L3MBTL3: variants seen among roughly 807,000 people sequenced by gnomAD.
The protein encoded by L3MBTL3 is lethal(3)malignant brain tumor-like protein 3.
L3MBTL3 carries 27 observed loss-of-function variants against 102.3 expected under a neutral mutation model. The ratio of observed to expected loss-of-function variants is 0.26; its 90% CI spans 0.19 to 0.36. The LOEUF (loss-of-function observed/expected upper bound fraction) is 0.36. Among genes scored for constraint, L3MBTL3 ranks in the 10% least tolerant of loss-of-function variants. L3MBTL3 has a pLI of 1.00. For synonymous variants in L3MBTL3, 340 were observed against 320.9 expected, an observed-to-expected ratio of 1.06 and a Z score of -0.64; for missense variants, 798 against 955.3, an observed-to-expected ratio of 0.84 and a Z score of 2.17.
At chr6:130,087,367 A>G (rs900726259) in intron 16 of L3MBTL3, among the ~76,000 whole-genome samples, 10 of 152,190 alleles carry the variant, frequency 6.6e-5, no homozygotes, top group Non-Finnish European at 1.5e-4. Flanking sequence ...GTCATAAAGC[A>G]ATCAGTATTT....
chr6:130,124,245 C>T (rs951288573), intron 20 of L3MBTL3, among the ~76,000 whole-genome samples: 12 of 152,222 alleles, frequency 7.9e-5, no homozygotes, highest in South Asian at 4.1e-4. Flanking sequence ...TGGACAGTTC[C>T]GGGAGAGGGA....
intron 2 of L3MBTL3, among the ~76,000 whole-genome samples, chr6:130,039,715 C>T (rs1056476073): frequency 1.1e-4 from 17 of 151,944 alleles, no homozygotes; most frequent in Non-Finnish European, 2.5e-4. Context: ...ATCACAGTTT[C>T]AAGAAATGCA....
At chr6:130,067,238 C>T (rs768028088) in intron 11 of L3MBTL3, among the ~76,000 whole-genome samples, 9 of 152,066 alleles carry the variant, frequency 5.9e-5, no homozygotes, top group Non-Finnish European at 1.0e-4. Context: ...CTCAGCCTCC[C>T]GAATAGCTGG....
chr6:130,035,032 C>T (rs1779965610), intron 2 of L3MBTL3, among the ~76,000 whole-genome samples: 1 of 152,086 alleles, frequency 6.6e-6, no homozygotes, highest in African/African-American at 2.4e-5. Flanking sequence ...TCCTTCGTGA[C>T]GTCTATGCTG....
intron 19 of L3MBTL3, among the ~76,000 whole-genome samples, chr6:130,110,412 C>T (rs2115405248): frequency 6.6e-6 from 1 of 152,262 alleles, no homozygotes; most frequent in Non-Finnish European, 1.5e-5. Context: ...TCCTTCACGT[C>T]CCTTCTAAGT....
In L3MBTL3 at chr6:130,133,641, C is replaced by G; in HGVS notation, c.2136+20C>G. On this transcript the variant is annotated intron_variant, in intron 21 of 22. Transcript: ENST00000361794. The surrounding 1 kb of genome is among the most constrained non-coding windows in gnomAD (Gnocchi z 4.9). ...GACGAGGTATATTTTATTTTCTTTG[C>G]TGCCCGACACCAGATACAGGATTAC... 6.2e-7 allele frequency: 1 copy of G among 1,610,688 alleles called. No individual in the cohort carries two copies.
Position 130,031,374 on chromosome 6 carries a change from C to T in L3MBTL3, c.-16+9069C>T, listed in dbSNP as rs1004751855. 2.0e-5 allele frequency among the ~76,000 whole-genome samples: 3 copies of T among 152,188 alleles called. No individual in the cohort carries two copies. The South Asian group carries it at 6.2e-4, about 32-fold the overall frequency. On this transcript the variant is annotated intron_variant, in intron 2 of 22. Transcript: ENST00000361794. Reference sequence around the variant, plus strand: ...TTTATTTTGTATAGCTCAGTGCCTTCCAAATGAGGGATTCCATGGAACTTG... The same window carrying T: ...TTTATTTTGTATAGCTCAGTGCCTTTCAAATGAGGGATTCCATGGAACTTG...
chr6:130,096,686 G>A (rs980591682), intron 18 of L3MBTL3, among the ~76,000 whole-genome samples: 1 of 152,144 alleles, frequency 6.6e-6, no homozygotes, highest in Non-Finnish European at 1.5e-5. Flanking sequence ...GGACCTCCGA[G>A]GGTTCCTCAG....
intron 22 of L3MBTL3, chr6:130,137,698 T>C (rs1420750294): frequency 1.3e-5 from 2 of 152,204 alleles, no homozygotes; most frequent in Non-Finnish European, 2.9e-5. Flanking sequence ...AGGCCTTCAG[T>C]AGGGCCAAGG....
chr6:130,086,046 C>T (rs1783663870), intron 15 of L3MBTL3, 94 bp from the exon 16 acceptor site: 1 of 859,540 alleles, frequency 1.2e-6, no homozygotes, highest in African/African-American at 1.7e-5. Flanking sequence ...AGCCACCGCG[C>T]CTGGCCAGCT....
chr6:130,056,468 C>T (rs374324893), intron 8 of L3MBTL3, among the ~76,000 whole-genome samples: 1 of 152,206 alleles, frequency 6.6e-6, no homozygotes, highest in African/African-American at 2.4e-5. Flanking sequence ...GGCCATGAAC[C>T]AGGTGCTTCT....
chr6:130,090,478 C>T (rs1483335849), intron 16 of L3MBTL3, among the ~76,000 whole-genome samples: 8 of 152,026 alleles, frequency 5.3e-5, no homozygotes, highest in Non-Finnish European at 1.0e-4. Context: ...GTAGGAATTA[C>T]CAAAATGTGA....
chr6:130,119,835 T>C (rs1786005617), intron 19 of L3MBTL3, among the ~76,000 whole-genome samples: 1 of 152,188 alleles, frequency 6.6e-6, no homozygotes, highest in Non-Finnish European at 1.5e-5. Context: ...ATAGAAAACA[T>C]GTATTTATTG....
Position 130,104,451 on chromosome 6 carries a change from A to G in L3MBTL3, c.1762A>G (p.Ile588Val). Residue 588 changes from isoleucine to valine, a missense_variant, in exon 19 of 23, where the codon ATC (isoleucine) becomes GTC (valine). Transcript: ENST00000361794. ...HSAANCPYSE[I>V]NLNKDRIFPD... ...TGCTGCCAACTGTCCCTATTCAGAA[A>G]TCAATTTGAATAAAGACCGTATTTT... 6.3e-7 allele frequency: 1 copy of G among 1,576,512 alleles called. No individual in the cohort carries two copies. The highest frequency in any genetic ancestry group is 1.2e-5 in the South Asian group (1 of 81,974).
chr6:130,087,976 T>G (rs1783796510), intron 16 of L3MBTL3, among the ~76,000 whole-genome samples: 1 of 152,182 alleles, frequency 6.6e-6, no homozygotes, highest in African/African-American at 2.4e-5. Context: ...GGAATATATA[T>G]TACTTTTATA....
At position 130,036,384 on chromosome 6, in the gene L3MBTL3, T is replaced by G. The variant is rs376617704; in HGVS notation, c.-15-6301T>G. Among the ~76,000 whole-genome samples the G allele has an allele frequency of 2.0e-5, 3 of 152,330 alleles. No homozygotes were observed. In the East Asian group the frequency reaches 5.8e-4, roughly 29 times the overall value. ...GACAACATAGTAAATATTTTTATGCTATAATATTGTATTCAGAATCTCTGC... is the reference window on the plus strand; with the variant it reads ...GACAACATAGTAAATATTTTTATGCGATAATATTGTATTCAGAATCTCTGC... On this transcript the variant is annotated intron_variant, in intron 2 of 22. Coordinates refer to ENST00000361794, the MANE Select transcript of L3MBTL3 (RefSeq NM_032438.4).
At chr6:130,049,484 G>A in intron 4 of L3MBTL3, 91 bp downstream of exon 4, 1 of 875,818 alleles carries the variant, frequency 1.1e-6, no homozygotes, top group Admixed American at 2.8e-5. Context: ...GAACTTTGAA[G>A]GCCCCGGGTA....
chr6:130,102,668 C>T (rs1784765817), intron 18 of L3MBTL3, among the ~76,000 whole-genome samples: 1 of 152,174 alleles, frequency 6.6e-6, no homozygotes, highest in Non-Finnish European at 1.5e-5. Flanking sequence ...CTCAAACAAA[C>T]CAAGCTTTTC....
chr6:130,139,485 C>T lies in L3MBTL3; in HGVS notation c.2200-125C>T, dbSNP rs1006787959. The stretch of plus-strand genomic sequence containing the variant: ...ATATATCAAGAAATGTCATTGCACA[C>T]GTGAACTTCTCTGTGCTTTTTTAGC... On this transcript the variant is annotated intron_variant, in intron 22 of 22. Coordinates refer to ENST00000361794, the MANE Select transcript of L3MBTL3 (RefSeq NM_032438.4). 4.9e-6 allele frequency: 4 copies of T among 819,660 alleles called. No individual in the cohort carries two copies. In the South Asian group the frequency reaches 4.9e-5, roughly 10 times the overall value. 50.8% of individuals were successfully genotyped at this position (819,660 alleles called of 1,614,324 possible).
Sources: allele counts gnomAD v4.1 joint callset (sites outside exome capture counted in the v4.1 genomes callset), GRCh38; gene constraint gnomAD v4.1.1; non-coding constraint Gnocchi (gnomAD v3.1); transcripts MANE v1.5; gene names NCBI Gene and HGNC (gene_info 2026-07-23, HGNC 2026-07-21).